Variants in TBC1D26 observed in about 807,000 individuals in gnomAD.
TBC1D26 encodes TBC1 domain family member 26, also known as TBC1 domain family, member 26.
In TBC1D26, 19 loss-of-function variants were observed where a neutral mutation model predicts 42.5. The observed-to-expected ratio is 0.45, with a 90% CI of 0.31 to 0.66. TBC1D26 has a LOEUF of 0.66. TBC1D26 is among the 30% of genes least tolerant of loss of function. The pLI, the probability that TBC1D26 is intolerant of heterozygous loss-of-function variation, is 0.06. For synonymous variants in TBC1D26, 97 were observed against 123.5 expected (o/e 0.79, Z 1.42); for missense variants, 228 against 332.6 (o/e 0.69, Z 2.45).
chr17:15,738,621 C>G, intron 7 of TBC1D26, 100 bp from the exon 8 acceptor site: 1 of 1,570,070 alleles, frequency 6.4e-7, no homozygotes, highest in Non-Finnish European at 8.7e-7. Flanking sequence ...ACCTTCCTTC[C>G]TTCCTTCCAG....
chr17:15,735,105 G>A (rs1967574339), intron 2 of TBC1D26, 35 bp downstream of exon 2: 2 of 582,174 alleles, frequency 3.4e-6, no homozygotes, highest in Non-Finnish European at 6.1e-6. Context: ...AGGGACAATA[G>A]GCCTCTCTGT....
In TBC1D26 at chr17:15,738,350, T is replaced by C; in HGVS notation, c.350T>C (p.Ile117Thr). ...CGGGCGTGGTCACTTTTGCTAGATA[T>C]TGACAGAATCAAGTCCCAGAACCCA... ...RGRAWSLLLDIDRIKSQNPGK... is the reference protein window; with the variant it reads ...RGRAWSLLLDTDRIKSQNPGK... Residue 117 changes from isoleucine (I) to threonine (T), a missense_variant, in exon 7 of 15, where the codon ATT becomes ACT. By Grantham distance (89) the Ile-to-Thr change is moderately conservative. Coordinates refer to ENST00000437605, the MANE Select transcript of TBC1D26 (RefSeq NM_001388465.1). 6.2e-7 allele frequency: 1 copy of C among 1,613,702 alleles called. No individual in the cohort carries two copies. The highest frequency in any genetic ancestry group is 1.1e-5 in the South Asian group (1 of 91,058).
At position 15,738,396 on chromosome 17, in the gene TBC1D26, C is replaced by T; in HGVS notation, c.387+9C>T. 6.2e-7 allele frequency: 1 copy of T among 1,612,888 alleles called. No individual in the cohort carries two copies. The highest frequency in any genetic ancestry group is 1.1e-5 in the South Asian group (1 of 91,034). On this transcript the variant is annotated intron_variant, in intron 7 of 14. Coordinates refer to ENST00000437605, the MANE Select transcript of TBC1D26 (RefSeq NM_001388465.1). The stretch of plus-strand genomic sequence containing the variant: ...ACCCAGGCAAATATAAGGTAAGTCC[C>T]TCCCACACTCAGCTAGGAGTACAAA...
rs767303743 is a variant in TBC1D26, at chr17:15,740,163, G to C, written c.546+15G>C. 6.2e-7 allele frequency: 1 copy of C among 1,614,156 alleles called. No individual in the cohort carries two copies. Among genetic ancestry groups the C allele is most frequent in the Admixed American group, 1.7e-5 (1 of 60,026 alleles). ...CATATAACCCTGTGAGTATTCCCGG[G>C]CAGCGATATTCCTGGGACATGTGCC... On this transcript the variant is annotated intron_variant, in intron 9 of 14. Transcript: ENST00000437605.
chr17:15,742,749 A>G (rs1452618323), intron 12 of TBC1D26, among the ~76,000 whole-genome samples, 160 bp from the exon 13 acceptor site: 7 of 152,146 alleles, frequency 4.6e-5, no homozygotes, highest in Non-Finnish European at 1.0e-4. Flanking sequence ...AGTCCCTCAC[A>G]AGGAGCTACA....
chr17:15,733,854 A>G (rs1300184137), intron 1 of TBC1D26: 2 of 152,196 alleles, frequency 1.3e-5, no homozygotes, highest in African/African-American at 2.4e-5. Flanking sequence ...CAGCACTTGC[A>G]CATAAGACGC....
intron 4 of TBC1D26, among the ~76,000 whole-genome samples, chr17:15,736,177 G>T (rs1418394019): frequency 6.6e-6 from 1 of 152,248 alleles, no homozygotes; most frequent in Non-Finnish European, 1.5e-5. Flanking sequence ...GAAGGGCAGG[G>T]CCCTGGCCTG....
intron 1 of TBC1D26, chr17:15,734,578 CTCTG>C: frequency 6.5e-6 from 1 of 152,810 alleles, no homozygotes; most frequent in African/African-American, 2.4e-5. Flanking sequence ...GTCCCATTCT[CTCTG>C]TCTGGTCCTC....
In TBC1D26 at chr17:15,738,053, G is replaced by A. The variant is rs761446860; in HGVS notation, c.255G>A (p.Trp85Ter). 1 of 1,614,208 alleles carries A rather than the reference G, an allele frequency of 6.2e-7. No individual in the cohort carries two copies. The highest frequency in any genetic ancestry group is 1.1e-5 in the South Asian group (1 of 91,078). The change falls in exon 6 of 15, where the codon TGG (tryptophan) becomes TGA (stop). Residue 85 changes from tryptophan (W) to a stop codon, truncating the protein, a stop_gained. Transcript: ENST00000437605. LOFTEE classifies it high-confidence loss of function. ...AGTGGCAAAAGATGCTTGCAGACTG[G>A]ACAAAATATAGGAGCACCAAGAAGG... ...TNKWQKMLAD[W>*]TKYRSTKKLS...
intron 5 of TBC1D26, 140 bp from the exon 6 acceptor site, chr17:15,737,857 G>A (rs1967661117): frequency 3.8e-6 from 4 of 1,047,558 alleles, no homozygotes; most frequent in Admixed American, 4.3e-5. Flanking sequence ...CCTTCAGAGG[G>A]TCTCAGCCCC....
chr17:15,740,282 C>A (rs756606731), intron 9 of TBC1D26, 134 bp downstream of exon 9: 3 of 1,603,246 alleles, frequency 1.9e-6, no homozygotes, highest in Non-Finnish European at 2.6e-6. Flanking sequence ...GACTTCAGCT[C>A]GCTGCTGGCA....
chr17:15,741,692 T>A (rs1967786027), intron 10 of TBC1D26: 1 of 538,926 alleles, frequency 1.9e-6, no homozygotes, highest in Admixed American at 3.3e-5. Context: ...CACCCTGTTC[T>A]CCCCGCTGGC....
At chr17:15,743,219 A>G (rs1159603735) in intron 13 of TBC1D26, 148 bp from the exon 14 acceptor site, 3 of 191,186 alleles carry the variant, frequency 1.6e-5, no homozygotes, top group Non-Finnish European at 2.9e-5. Flanking sequence ...TGCCTTCCCC[A>G]ACTGTAGCCT....
At chr17:15,740,887 G>C (rs1331905034) in intron 9 of TBC1D26, 4 of 651,222 alleles carry the variant, frequency 6.1e-6, no homozygotes, top group African/African-American at 1.8e-5. Context: ...GGCCATGTGA[G>C]CTTGGACACT....
rs183992867 is a variant in TBC1D26 at position 15,738,330 on chromosome 17, G to A, written c.330G>A (p.Ala110=). The A allele has an allele frequency of 5.4e-5, 87 of 1,613,712 alleles. 4 individuals carry two copies. In the East Asian group the frequency reaches 7.2e-4, roughly 13 times the overall value. Residue 110 remains alanine (A), a synonymous_variant, in exon 7 of 15, where the codon GCG becomes GCA. Coordinates refer to ENST00000437605, the MANE Select transcript of TBC1D26 (RefSeq NM_001388465.1). The part of the protein sequence containing the change: ...KVIPLAVRGR[A]WSLLLDIDRI... ...TTCCCCTGGCGGTACGGGGCCGGGCGTGGTCACTTTTGCTAGATATTGACA... is the reference window on the plus strand; with the variant it reads ...TTCCCCTGGCGGTACGGGGCCGGGCATGGTCACTTTTGCTAGATATTGACA...
At chr17:15,734,413 C>A (rs1222891194) in intron 1 of TBC1D26, among the ~76,000 whole-genome samples, 1 of 152,070 alleles carries the variant, frequency 6.6e-6, no homozygotes, top group Non-Finnish European at 1.5e-5. Context: ...CTGTGGGACC[C>A]ACTGGACACA....
rs1465247 is a variant in TBC1D26, at chr17:15,738,503, C to A, written c.387+116C>A. Reference sequence around the variant, plus strand: ...GTTGGGAGTGGGGGCTGTGGTCAGACGCACATCCTGGGCATAGATGGTAAC... The same window carrying A: ...GTTGGGAGTGGGGGCTGTGGTCAGAAGCACATCCTGGGCATAGATGGTAAC... On this transcript the variant is annotated intron_variant, in intron 7 of 14. Coordinates refer to ENST00000437605, the MANE Select transcript of TBC1D26 (RefSeq NM_001388465.1). The A allele has an allele frequency of 8.1e-5, 111 of 1,367,062 alleles. No homozygotes were observed. In the African/African-American group the frequency reaches 1.4e-3, roughly 17 times the overall value. 84.7% of individuals were successfully genotyped at this position (1,367,062 alleles called of 1,614,324 possible). A position where few individuals can be genotyped will look rare whatever the true frequency, so the allele number is the denominator to read the frequency against.
chr17:15,732,873 G>A lies in TBC1D26; in HGVS notation c.-143+489G>A, dbSNP rs115816015. Among the ~76,000 whole-genome samples the A allele has an allele frequency of 6.3e-3, 958 of 152,272 alleles. 12 individuals carry two copies. The highest frequency in any genetic ancestry group is 0.022 in the African/African-American group (906 of 41,548). Reference sequence around the variant, plus strand: ...GTGCGGTCACTGAGGGTCTCCGTGGGACCCAGTGGACACATGGGGTCCCTT... The same window carrying A: ...GTGCGGTCACTGAGGGTCTCCGTGGAACCCAGTGGACACATGGGGTCCCTT... On this transcript the variant is annotated intron_variant, in intron 1 of 14. Transcript: ENST00000437605.
At chr17:15,741,467 C>G in intron 10 of TBC1D26, 1 of 597,642 alleles carries the variant, frequency 1.7e-6, no homozygotes, top group Non-Finnish European at 2.8e-6. Flanking sequence ...TGGATACCTC[C>G]CCCTGGCTGC....
Sources: allele counts gnomAD v4.1 joint callset (sites outside exome capture counted in the v4.1 genomes callset), GRCh38; gene constraint gnomAD v4.1.1; transcripts MANE v1.5; gene names NCBI Gene and HGNC (gene_info 2026-07-23, HGNC 2026-07-21).